Variants in ARID3A observed in about 807,000 individuals in gnomAD.
ARID3A encodes AT-rich interactive domain-containing protein 3A.
In ARID3A, 11 loss-of-function variants were observed where a neutral mutation model predicts 52.7. That is an observed-to-expected ratio of 0.21 (90% CI 0.13 to 0.35). ARID3A has a LOEUF of 0.35. Ranked by LOEUF, ARID3A falls within the 10% of genes least tolerant of loss-of-function variation. ARID3A has a pLI of 1.00. For synonymous variants in ARID3A, 404 were observed against 359.4 expected, an observed-to-expected ratio of 1.12 and a Z score of -1.40; for missense variants, 721 against 838.5, an observed-to-expected ratio of 0.86 and a Z score of 1.73.
intron 3 of ARID3A, among the ~76,000 whole-genome samples, chr19:946,076 C>T (rs1045368533): frequency 6.6e-6 from 1 of 152,028 alleles, no homozygotes; most frequent in Non-Finnish European, 1.5e-5. Flanking sequence ...AGGGGCCCGG[C>T]GTCCAGGTGG....
rs1312347935 is a variant in ARID3A at position 951,703 on chromosome 19, G to T, written c.694-8389G>T. Among the ~76,000 whole-genome samples the T allele has an allele frequency of 3.3e-5, 5 of 152,334 alleles. No individual in the cohort carries two copies. In the South Asian group the frequency reaches 8.3e-4, roughly 25 times the overall value. On this transcript the variant is annotated intron_variant, in intron 3 of 8. Coordinates refer to ENST00000263620, the MANE Select transcript of ARID3A (RefSeq NM_005224.3). ...GGGCGCCTGGGAGGCTCAGGCTGCT[G>T]CCCGGAGGGGGCGGCTGCTGACTCA...
chr19:927,842 A>C (rs2037233656), intron 1 of ARID3A, among the ~76,000 whole-genome samples: 1 of 152,028 alleles, frequency 6.6e-6, no homozygotes, highest in Non-Finnish European at 1.5e-5. Context: ...CAGATGGAAC[A>C]GAGGCTATTT....
intron 3 of ARID3A, 143 bp downstream of exon 3, chr19:932,885 G>T (rs1386572899): frequency 6.8e-7 from 1 of 1,468,742 alleles, no homozygotes; most frequent in Non-Finnish European, 8.9e-7. Flanking sequence ...TGTGCTTCCT[G>T]TGCTTCCCTC....
In ARID3A at chr19:930,712, T is replaced by C. The variant is rs549520704; in HGVS notation, c.368+816T>C. Among the ~76,000 whole-genome samples the C allele has an allele frequency of 8.6e-5, 13 of 150,776 alleles. No homozygotes were observed. In the East Asian group the frequency reaches 1.4e-3, roughly 17 times the overall value. ...TTTTAGTAGAGACGGGGTTTCACCA[T>C]GTTAGCCAAGATGGTCTCGATCTCC... On this transcript the variant is annotated intron_variant, in intron 2 of 8. Transcript: ENST00000263620.
chr19:966,185 C>A (rs111978444), intron 6 of ARID3A, among the ~76,000 whole-genome samples: 2 of 148,730 alleles, frequency 1.3e-5, no homozygotes, highest in Non-Finnish European at 3.0e-5. Flanking sequence ...AAAGGCTGGG[C>A]GCGGTGGCTC....
At chr19:926,304 ATGT>A (rs2037196300) in intron 1 of ARID3A, among the ~76,000 whole-genome samples, 1 of 150,712 alleles carries the variant, frequency 6.6e-6, no homozygotes, top group Non-Finnish European at 1.5e-5. Context: ...TTGGGCGGAG[ATGT>A]TGGTGGGGGT....
intron 3 of ARID3A, among the ~76,000 whole-genome samples, chr19:945,785 T>G (rs565620410): frequency 6.6e-6 from 1 of 152,282 alleles, no homozygotes; most frequent in South Asian, 2.1e-4. Context: ...TCTGGCCCCT[T>G]GCACTGCCCG....
At chr19:968,249 A>G (rs1223146878) in intron 7 of ARID3A, among the ~76,000 whole-genome samples, 156 bp from the exon 8 acceptor site, 2 of 150,764 alleles carry the variant, frequency 1.3e-5, no homozygotes, top group Admixed American at 6.6e-5. Context: ...AGTCCCAGCT[A>G]CTGGGAGGCT....
chr19:943,567 C>CA (rs55936409), intron 3 of ARID3A, among the ~76,000 whole-genome samples: 68 of 131,448 alleles, frequency 5.2e-4, no homozygotes, highest in African/African-American at 8.4e-4. Context: ...GACTCTGTCT[C>CA]AAAAAAAAAA....
In ARID3A at chr19:972,060, C is replaced by T. The variant is rs765729766; in HGVS notation, c.1777C>T (p.Pro593Ser). 1 of 1,544,294 alleles carries T rather than the reference C, an allele frequency of 6.5e-7. No homozygotes were observed. The highest frequency in any genetic ancestry group is 1.2e-5 in the South Asian group (1 of 84,450). The change falls in exon 9 of 9, where the codon CCT becomes TCT. Residue 593 changes from proline (P) to serine (S), a missense_variant. By Grantham distance (74) the Pro-to-Ser change is moderately conservative. This residue lies in a region of ARID3A where 297 missense variants were observed against 343.2 expected (regional missense o/e 0.87). Coordinates refer to ENST00000263620, the MANE Select transcript of ARID3A (RefSeq NM_005224.3). ...CACATCTACCTCAAATAACTCGTTG[C>T]CTTAACCGCATCACTCCCCACCCGC... is the stretch of plus-strand genomic sequence containing the variant. ...PSTSTSNNSLP is the reference protein window; with the variant it reads ...PSTSTSNNSLS
At chr19:957,730 G>A (rs2037951534) in intron 3 of ARID3A, among the ~76,000 whole-genome samples, 1 of 152,210 alleles carries the variant, frequency 6.6e-6, no homozygotes, top group Non-Finnish European at 1.5e-5. Context: ...TGTGGTCCCA[G>A]CCACTTGGGC....
In ARID3A at chr19:943,874, C is replaced by T. The variant is rs577918986; in HGVS notation, c.693+11132C>T. 2.1e-4 allele frequency among the ~76,000 whole-genome samples: 32 copies of T among 152,210 alleles called. No individual in the cohort carries two copies. The Middle Eastern group carries it at 0.01, about 49-fold the overall frequency. ...AGCCCGACCCTTTCATGGGCACTTA[C>T]GGAGCACCTGCTGTATGCCAGCCCG... is the stretch of plus-strand genomic sequence containing the variant. On this transcript the variant is annotated intron_variant, in intron 3 of 8. Coordinates refer to ENST00000263620, the MANE Select transcript of ARID3A (RefSeq NM_005224.3).
chr19:945,960 C>T (rs2037670457), intron 3 of ARID3A, among the ~76,000 whole-genome samples: 1 of 152,184 alleles, frequency 6.6e-6, no homozygotes, highest in South Asian at 2.1e-4. Context: ...GCAGGGAACC[C>T]CAGGACGGAG....
In ARID3A at chr19:968,528, G is replaced by T. The variant is rs1229688834; in HGVS notation, c.1594+25G>T. On this transcript the variant is annotated intron_variant, in intron 8 of 8. Transcript: ENST00000263620. ...GGTAGGACCCCTGAGGCCACGCCCT[G>T]CCTGGACCTCGCCTCTCCCGCCGCC... 3.7e-6 allele frequency: 6 copies of T among 1,607,182 alleles called. No homozygotes were observed. The African/African-American group carries it at 8.0e-5, about 22-fold the overall frequency.
Position 975,594 on chromosome 19 carries a change from GAAA to G in ARID3A, c.*3540_*3542del. 1 of 163,662 alleles carries G rather than the reference GAAA, an allele frequency of 6.1e-6. No homozygotes were observed. Among genetic ancestry groups the G allele is most frequent in the Non-Finnish European group, 1.3e-5 (1 of 78,816 alleles). 10.1% of individuals were successfully genotyped at this position (163,662 alleles called of 1,614,324 possible). A position where few individuals can be genotyped will look rare whatever the true frequency, so the allele number is the denominator to read the frequency against. ...ACGCCTGAAACTCAGGTAATAGGAG[GAAA>G]AAAAAAAAAACTTAAAAAAATTTTT... On this transcript the variant is annotated 3_prime_UTR_variant, in exon 9 of 9. Coordinates refer to ENST00000263620, the MANE Select transcript of ARID3A (RefSeq NM_005224.3).
rs1172618028 is a variant in ARID3A at position 929,670 on chromosome 19, G to A, written c.142G>A (p.Glu48Lys). The change falls in exon 2 of 9, where the codon GAG (glutamate) becomes AAG (lysine). Residue 48 changes from glutamate to lysine, a missense_variant. Physicochemically the swap from Glu to Lys is moderately conservative, Grantham distance 56. Coordinates refer to ENST00000263620, the MANE Select transcript of ARID3A (RefSeq NM_005224.3). The surrounding 1 kb of genome is among the most constrained non-coding windows in gnomAD (Gnocchi z 6.2). Reference protein sequence around the residue: ...RARAAPDEDREPESARMQRAQ... With the variant: ...RARAAPDEDRKPESARMQRAQ... ...CCGGGCTGCCCCCGACGAGGACAGAGAGCCCGAGAGTGCCCGGATGCAGCG... is the reference window on the plus strand; with the variant it reads ...CCGGGCTGCCCCCGACGAGGACAGAAAGCCCGAGAGTGCCCGGATGCAGCG... 6.4e-7 allele frequency: 1 copy of A among 1,553,174 alleles called. No individual in the cohort carries two copies.
At position 929,338 on chromosome 19, in the gene ARID3A, A is replaced by G. The variant is rs538797534; in HGVS notation, c.-191A>G. ...CCAGCGTGAGGAAGAGGCATGCCCCATCAGCCTTCAGCTTGAGCCCGGCGG... is the reference window on the plus strand; with the variant it reads ...CCAGCGTGAGGAAGAGGCATGCCCCGTCAGCCTTCAGCTTGAGCCCGGCGG... On this transcript the variant is annotated 5_prime_UTR_variant, in exon 2 of 9. Coordinates refer to ENST00000263620, the MANE Select transcript of ARID3A (RefSeq NM_005224.3). This position sits in a 1 kb window ranked among gnomAD's most constrained non-coding sequence, Gnocchi z 6.2. The G allele has an allele frequency of 1.5e-6, 1 of 672,902 alleles. No homozygotes were observed. Among genetic ancestry groups the G allele is most frequent in the Non-Finnish European group, 2.0e-6 (1 of 508,814 alleles). The allele number at this position is 672,902 out of a possible 1,614,324, so 41.7% of individuals were successfully genotyped here. A position where few individuals can be genotyped will look rare whatever the true frequency, so the allele number is the denominator to read the frequency against.
chr19:969,601 T>C (rs113132841), intron 8 of ARID3A, among the ~76,000 whole-genome samples: 3 of 151,468 alleles, frequency 2.0e-5, no homozygotes, highest in South Asian at 4.1e-4. Context: ...TACATAGATA[T>C]ATATAGATTA....
rs1327630312 is a variant in ARID3A, at chr19:974,351, C to A, written c.*2286C>A. 1.3e-5 allele frequency: 3 copies of A among 228,780 alleles called. No homozygotes were observed. The highest frequency in any genetic ancestry group is 2.6e-5 in the Non-Finnish European group (3 of 115,294). The allele number at this position is 228,780 out of a possible 1,614,324, so 14.2% of individuals were successfully genotyped here. On this transcript the variant is annotated 3_prime_UTR_variant, in exon 9 of 9. Coordinates refer to ENST00000263620, the MANE Select transcript of ARID3A (RefSeq NM_005224.3). ...CTTCCTGGGGCCAGCACCGTAGCAG[C>A]ACAATCACCCCGGGAAGGGGGTGTC...
Sources: gnomAD v4.1 joint callset for allele counts (sites outside exome capture counted in the v4.1 genomes callset) on GRCh38, gnomAD v4.1.1 for gene constraint, gnomAD v4.1.1 regional missense constraint, Gnocchi (gnomAD v3.1) non-coding constraint, MANE v1.5 for transcripts, NCBI Gene and HGNC (gene_info 2026-07-23, HGNC 2026-07-21) for gene names.